Variants in ELP4 observed in about 807,000 individuals in gnomAD.
ELP4 encodes elongator complex protein 4.
Under a neutral mutation model 48.9 loss-of-function variants are expected in ELP4, and 51 were observed. The observed-to-expected ratio is 1.04, with a 90% CI of 0.83 to 1.32. The LOEUF is 1.32. ELP4 is among the 40% of genes most tolerant of loss of function. ELP4 has a pLI of 0.00. For synonymous variants in ELP4, 210 were observed against 189.2 expected, an observed-to-expected ratio of 1.11 and a Z score of -0.90; for missense variants, 519 against 514.6, an observed-to-expected ratio of 1.01 and a Z score of -0.08.
intron 3 of ELP4, among the ~76,000 whole-genome samples, chr11:31,576,478 CAG>C (rs1957281307): frequency 6.6e-6 from 1 of 152,220 alleles, no homozygotes; most frequent in Non-Finnish European, 1.5e-5. Flanking sequence ...CCCAAATCAA[CAG>C]AATATACATT....
intron 9 of ELP4, among the ~76,000 whole-genome samples, chr11:31,676,576 GTCT>G (rs914316202): frequency 2.9e-4 from 44 of 152,224 alleles, no homozygotes; most frequent in African/African-American, 9.1e-4. Flanking sequence ...GTTGTTTCCT[GTCT>G]TCTTCCCTAT....
At chr11:31,714,848 T>G (rs1212498834) in intron 9 of ELP4, 1 of 398,408 alleles carries the variant, frequency 2.5e-6, no homozygotes, top group Non-Finnish European at 4.4e-6. Flanking sequence ...TAAGGATCCT[T>G]GTAATTACAT....
chr11:31,752,833 C>T (rs1283685079), intron 9 of ELP4, among the ~76,000 whole-genome samples: 2 of 92,754 alleles, frequency 2.2e-5, no homozygotes, highest in East Asian at 6.3e-4. Context: ...GACTCCATCT[C>T]AAAAAAAAAA....
chr11:31,759,570 T>C (rs1384615842), intron 9 of ELP4, among the ~76,000 whole-genome samples: 4 of 152,248 alleles, frequency 2.6e-5, no homozygotes, highest in Non-Finnish European at 4.4e-5. Flanking sequence ...ATGCATCTTC[T>C]CATAAACCTC....
In ELP4 at chr11:31,647,742, A is replaced by G. The variant is rs1468765496; in HGVS notation, c.929A>G (p.Asn310Ser). The G allele has an allele frequency of 1.3e-6, 2 of 1,595,498 alleles. No homozygotes were observed. Among genetic ancestry groups the G allele is most frequent in the East Asian group, 2.2e-5 (1 of 44,656 alleles). The change falls in exon 8 of 10, where the codon AAT becomes AGT. Residue 310 changes from asparagine (N) to serine (S), a missense_variant and splice_region_variant. Transcript: ENST00000640961. ...IITMPTHLIQ[N>S]KAIIARVTTL... ...CTGTTTTGTTTCCATGTTTTGCAGA[A>G]TAAAGCCATTATTGCCCGTGTCACA...
chr11:31,788,083 C>G lies in ELP4; in HGVS notation c.*4559C>G, dbSNP rs1447113681. 9.0e-6 allele frequency: 2 copies of G among 222,628 alleles called. No homozygotes were observed. Among genetic ancestry groups the G allele is most frequent in the Non-Finnish European group, 1.8e-5 (2 of 111,370 alleles). The allele number at this position is 222,628 out of a possible 1,614,324, so 13.8% of individuals were successfully genotyped here. A position where few individuals can be genotyped will look rare whatever the true frequency, so the allele number is the denominator to read the frequency against. Reference sequence around the variant, plus strand: ...GAACAAATGAAAGTCTCAGACAGTCCTTTTTTACCCAACAAAGGCTTATTT... The same window carrying G: ...GAACAAATGAAAGTCTCAGACAGTCGTTTTTTACCCAACAAAGGCTTATTT... On this transcript the variant is annotated 3_prime_UTR_variant, in exon 10 of 10. Transcript: ENST00000640961.
intron 3 of ELP4, among the ~76,000 whole-genome samples, chr11:31,573,872 T>C (rs1391794671): frequency 6.6e-6 from 1 of 152,014 alleles, no homozygotes; most frequent in Non-Finnish European, 1.5e-5. Context: ...AAACATTGAC[T>C]ATCTCATTTA....
chr11:31,637,868 G>A (rs1404078415), intron 7 of ELP4, among the ~76,000 whole-genome samples: 1 of 151,818 alleles, frequency 6.6e-6, no homozygotes, highest in Non-Finnish European at 1.5e-5. Flanking sequence ...ATTCTTTTTG[G>A]AAATAGAAAC....
At chr11:31,615,656 C>T (rs1342569610) in intron 5 of ELP4, among the ~76,000 whole-genome samples, 7 of 151,782 alleles carry the variant, frequency 4.6e-5, no homozygotes, top group African/African-American at 2.4e-5. Context: ...GAGATCAATT[C>T]TCCTTAGATG....
At chr11:31,643,939 A>T (rs1231914986) in intron 7 of ELP4, among the ~76,000 whole-genome samples, 3 of 151,986 alleles carry the variant, frequency 2.0e-5, no homozygotes, top group African/African-American at 7.2e-5. Context: ...ATGATTAATT[A>T]AATTATGTTG....
intron 9 of ELP4, among the ~76,000 whole-genome samples, chr11:31,756,572 T>C (rs1383530950): frequency 2.6e-5 from 4 of 152,214 alleles, no homozygotes; most frequent in African/African-American, 7.2e-5. Context: ...TTAAGTGTAC[T>C]TTCAGCTCCT....
chr11:31,746,902 T>A (rs921333861), intron 9 of ELP4, among the ~76,000 whole-genome samples: 2 of 148,246 alleles, frequency 1.3e-5, no homozygotes, highest in African/African-American at 5.1e-5. Flanking sequence ...AATAATAATT[T>A]TTTTAAAAAG....
chr11:31,565,059 G>C (rs1957086060), intron 3 of ELP4, among the ~76,000 whole-genome samples: 1 of 152,136 alleles, frequency 6.6e-6, no homozygotes, highest in Non-Finnish European at 1.5e-5. Flanking sequence ...ACTTTTTAAT[G>C]ATCACCATTC....
intron 3 of ELP4, among the ~76,000 whole-genome samples, chr11:31,568,502 G>A (rs116228483): frequency 7.0e-4 from 107 of 152,142 alleles, no homozygotes; most frequent in African/African-American, 2.5e-3. Context: ...CAAAACAAGA[G>A]GCATCACATT....
At chr11:31,677,903 C>T (rs1945965467) in intron 9 of ELP4, among the ~76,000 whole-genome samples, 1 of 152,148 alleles carries the variant, frequency 6.6e-6, no homozygotes, top group Non-Finnish European at 1.5e-5. Flanking sequence ...TCTGTTTTGA[C>T]ATTCTGTGGA....
intron 5 of ELP4, among the ~76,000 whole-genome samples, chr11:31,614,381 C>G (rs373505166): frequency 2.0e-5 from 3 of 152,082 alleles, no homozygotes; most frequent in Admixed American, 6.5e-5. Context: ...CAAAAGGACA[C>G]AGAAGCCAGC....
At chr11:31,773,623 T>C (rs530359077) in intron 9 of ELP4, among the ~76,000 whole-genome samples, 27 of 152,316 alleles carry the variant, frequency 1.8e-4, no homozygotes, top group African/African-American at 6.5e-4. Context: ...CATGAAGCTG[T>C]TGACTAGTCA....
intron 9 of ELP4, among the ~76,000 whole-genome samples, chr11:31,700,576 C>T (rs1324934628): frequency 6.6e-6 from 1 of 151,902 alleles, no homozygotes; most frequent in Non-Finnish European, 1.5e-5. Context: ...AGTACGTTTT[C>T]CCAGTCTCAC....
intron 9 of ELP4, among the ~76,000 whole-genome samples, chr11:31,658,023 G>A (rs983981885): frequency 6.6e-6 from 1 of 151,840 alleles, no homozygotes; most frequent in African/African-American, 2.4e-5. Flanking sequence ...TAACTTATCC[G>A]GAGTCACAAA....
Sources: gnomAD v4.1 joint callset for allele counts (sites outside exome capture counted in the v4.1 genomes callset) on GRCh38, gnomAD v4.1.1 for gene constraint, MANE v1.5 for transcripts, NCBI Gene and HGNC (gene_info 2026-07-23, HGNC 2026-07-21) for gene names.